Variants in TIMELESS observed in about 807,000 individuals in gnomAD.
The protein encoded by TIMELESS is timeless circadian regulator.
TIMELESS carries 124 observed loss-of-function variants against 164.3 expected under a neutral mutation model. The observed-to-expected ratio is 0.75, with a 90% confidence interval of 0.65 to 0.88. The LOEUF is 0.88. Among genes scored for constraint, TIMELESS ranks in the 40% least tolerant of loss-of-function variants. TIMELESS has a pLI of 0.00. For synonymous variants in TIMELESS, 564 were observed against 563.4 expected, an observed-to-expected ratio of 1.00 and a Z score of -0.02; for missense variants, 1,422 against 1,491.4, an observed-to-expected ratio of 0.95 and a Z score of 0.77.
chr12:56,417,631 C>T lies in TIMELESS; in HGVS notation c.*85G>A. ...CTGCTCTGTCCAGTAAGAGGAGCTTCTGGGTCCTGTATGACCCTTCCAACT... is the reference window on the plus strand; with the variant it reads ...CTGCTCTGTCCAGTAAGAGGAGCTTTTGGGTCCTGTATGACCCTTCCAACT... On this transcript the variant is annotated 3_prime_UTR_variant, in exon 29 of 29. Coordinates refer to ENST00000553532, the MANE Select transcript of TIMELESS (RefSeq NM_003920.5). 1 of 1,339,684 alleles carries T rather than the reference C, an allele frequency of 7.5e-7. No individual in the cohort carries two copies. Among genetic ancestry groups the T allele is most frequent in the Non-Finnish European group, 1.1e-6 (1 of 933,126 alleles). The allele number at this position is 1,339,684 out of a possible 1,614,324, so 83.0% of individuals were successfully genotyped here. A position where few individuals can be genotyped will look rare whatever the true frequency, so the allele number is the denominator to read the frequency against.
At chr12:56,442,740 C>T (rs1057258087) in intron 1 of TIMELESS, among the ~76,000 whole-genome samples, 13 of 152,106 alleles carry the variant, frequency 8.5e-5, no homozygotes, top group African/African-American at 1.9e-4. Flanking sequence ...GATGATGTTG[C>T]GGGAAGTCAG....
At position 56,428,172 on chromosome 12, in the gene TIMELESS, G is replaced by C. The variant is rs914570962; in HGVS notation, c.1578+64C>G. 7.5e-6 allele frequency: 11 copies of C among 1,469,198 alleles called. No homozygotes were observed. In the Admixed American group the frequency reaches 1.8e-4, roughly 24 times the overall value. 91.0% of individuals were successfully genotyped at this position (1,469,198 alleles called of 1,614,324 possible). ...ACTTAAGCTGTACAAACTGTGAGAA[G>C]AAAGAGCCCCCCTTCCTTGACTCTC... On this transcript the variant is annotated intron_variant, in intron 13 of 28. Transcript: ENST00000553532.
chr12:56,428,802 T>C (rs1881763795), intron 11 of TIMELESS, 81 bp downstream of exon 11: 3 of 1,530,374 alleles, frequency 2.0e-6, no homozygotes, highest in Admixed American at 3.5e-5. Flanking sequence ...ACCTGAACCC[T>C]GAATCAGGAA....
intron 1 of TIMELESS, among the ~76,000 whole-genome samples, chr12:56,440,680 T>C (rs547071902): frequency 3.4e-4 from 52 of 152,292 alleles, no homozygotes; most frequent in African/African-American, 1.0e-3. Flanking sequence ...GAAGTGTAAA[T>C]GAGATCATGT....
intron 7 of TIMELESS, 74 bp downstream of exon 7, chr12:56,432,295 A>G: frequency 6.6e-7 from 1 of 1,519,448 alleles, no homozygotes; most frequent in Non-Finnish European, 8.9e-7. Flanking sequence ...AGCCATTATC[A>G]CAAGAGCAAT....
chr12:56,423,911 A>G lies in TIMELESS; in HGVS notation c.1869-17T>C, dbSNP rs750630076. 8.3e-5 allele frequency: 133 copies of G among 1,609,988 alleles called. No homozygotes were observed. Among genetic ancestry groups the G allele is most frequent in the Non-Finnish European group, 1.1e-4 (131 of 1,176,366 alleles). On this transcript the variant is annotated splice_polypyrimidine_tract_variant and intron_variant, in intron 15 of 28. Transcript: ENST00000553532. ...CACACCTCCCTGGAGCACAGATAGA[A>G]AAAAGGCTTTACCCAGGGGAAATCT... is the stretch of plus-strand genomic sequence containing the variant.
chr12:56,448,204 G>C (rs1257354129), intron 1 of TIMELESS, among the ~76,000 whole-genome samples: 1 of 151,944 alleles, frequency 6.6e-6, no homozygotes, highest in African/African-American at 2.4e-5. Flanking sequence ...TCAGGAGTTC[G>C]AGACCGGCCT....
At chr12:56,428,745 C>A in intron 11 of TIMELESS, 93 bp from the exon 12 acceptor site, 1 of 1,449,750 alleles carries the variant, frequency 6.9e-7, no homozygotes. Flanking sequence ...AAAAAATGTG[C>A]CACCCAAACT....
rs1881500293 is a variant in TIMELESS, at chr12:56,421,797, A to G, written c.2655T>C (p.His885=). The G allele has an allele frequency of 6.2e-7, 1 of 1,614,108 alleles. No individual in the cohort carries two copies. Among genetic ancestry groups the G allele is most frequent in the Non-Finnish European group, 8.5e-7 (1 of 1,180,004 alleles). Residue 885 remains histidine (H), a synonymous_variant, in exon 22 of 29, where the codon CAT becomes CAC. Transcript: ENST00000553532. ...SVKDFQRKGT[H]IVLWTGDQEL... ...CCTGATCCCCCGTCCACAGTACAAT[A>G]TGGGTTCCTTTCCTGATTAGGAAGG...
At chr12:56,438,904 C>T (rs1882159842) in intron 1 of TIMELESS, among the ~76,000 whole-genome samples, 1 of 151,568 alleles carries the variant, frequency 6.6e-6, no homozygotes, top group Non-Finnish European at 1.5e-5. Flanking sequence ...TGGCTCACAC[C>T]TGTAATCCCA....
rs1555176448 is a variant in TIMELESS at position 56,420,029 on chromosome 12, AAT to A, written c.3228+538_3228+539del. Among the ~76,000 whole-genome samples the A allele has an allele frequency of 4.9e-3, 366 of 75,074 alleles. 4 individuals carry two copies. The highest frequency in any genetic ancestry group is 0.015 in the East Asian group (30 of 1,998). 49.3% of individuals were successfully genotyped at this position (75,074 alleles called of 152,430 possible). ...CTCAAAAAAAAAAAAAAAAAAAAAA[AAT>A]ATATATATATATATATATGTGTGTG... On this transcript the variant is annotated intron_variant, in intron 26 of 28. Coordinates refer to ENST00000553532, the MANE Select transcript of TIMELESS (RefSeq NM_003920.5).
chr12:56,427,367 C>T (rs1881711783), intron 13 of TIMELESS, among the ~76,000 whole-genome samples: 1 of 152,138 alleles, frequency 6.6e-6, no homozygotes, highest in Admixed American at 6.5e-5. Context: ...AAATGATCCA[C>T]CCACTGTGGC....
chr12:56,442,142 A>T (rs1228225936), intron 1 of TIMELESS, among the ~76,000 whole-genome samples: 1 of 126,816 alleles, frequency 7.9e-6, no homozygotes, highest in Non-Finnish European at 1.9e-5. Context: ...AATATAGAAC[A>T]AACAATGTAA....
At position 56,429,497 on chromosome 12, in the gene TIMELESS, C is replaced by CTTT. The variant is rs35987061; in HGVS notation, c.1087-400_1087-398dup. On this transcript the variant is annotated intron_variant, in intron 10 of 28. Coordinates refer to ENST00000553532, the MANE Select transcript of TIMELESS (RefSeq NM_003920.5). ...ACAGGCGTGAGCCACTGCGCCTGGT[C>CTTT]TTTTTTTTTTTTTTTTTTTTTTTTG... 2.1e-3 allele frequency among the ~76,000 whole-genome samples: 104 copies of CTTT among 50,080 alleles called. 1 individual carries two copies. The highest frequency in any genetic ancestry group is 7.7e-3 in the African/African-American group (99 of 12,902). 32.9% of individuals were successfully genotyped at this position (50,080 alleles called of 152,430 possible). A position where few individuals can be genotyped will look rare whatever the true frequency, so the allele number is the denominator to read the frequency against.
chr12:56,448,082 A>G (rs1868400415), intron 1 of TIMELESS, among the ~76,000 whole-genome samples: 1 of 152,166 alleles, frequency 6.6e-6, no homozygotes, highest in South Asian at 2.1e-4. Context: ...TTTAAATTTA[A>G]CATCAGATGA....
Position 56,440,665 on chromosome 12 carries a change from T to C in TIMELESS, c.-61-6434A>G, listed in dbSNP as rs186073614. 1.9e-4 allele frequency among the ~76,000 whole-genome samples: 29 copies of C among 152,236 alleles called. 2 individuals carry two copies. The East Asian group carries it at 4.6e-3, about 24-fold the overall frequency. On this transcript the variant is annotated intron_variant, in intron 1 of 28. Coordinates refer to ENST00000553532, the MANE Select transcript of TIMELESS (RefSeq NM_003920.5). ...TAATAATACCCACCCTCACAAGATA[T>C]TAGGGAAGTGTAAATGAGATCATGT...
intron 23 of TIMELESS, 101 bp from the exon 24 acceptor site, chr12:56,421,235 T>C: frequency 6.3e-7 from 1 of 1,585,232 alleles, no homozygotes; most frequent in Non-Finnish European, 8.6e-7. Flanking sequence ...GCGCCTGCTC[T>C]CTCGGAAGGA....
chr12:56,420,676 C>T lies in TIMELESS; in HGVS notation c.3121G>A (p.Ala1041Thr), dbSNP rs1456875293. Residue 1041 changes from alanine to threonine, a missense_variant, in exon 26 of 29, where the codon GCC becomes ACC. Ala to Thr is a moderately conservative substitution (Grantham distance 58). Transcript: ENST00000553532. The stretch of plus-strand genomic sequence containing the variant: ...TCTGTGAGTGGCACCAATGGAACGG[C>T]CTGGGAGCAGCCTAAGACAGGGTCA... ...DDREEDGCSQ[A>T]VPLVPLTEEN... 1 of 1,614,050 alleles carries T rather than the reference C, an allele frequency of 6.2e-7. No individual in the cohort carries two copies. Among genetic ancestry groups the T allele is most frequent in the East Asian group, 2.2e-5 (1 of 44,890 alleles).
intron 13 of TIMELESS, among the ~76,000 whole-genome samples, chr12:56,426,639 A>C (rs1228994788): frequency 6.6e-6 from 1 of 152,110 alleles, no homozygotes; most frequent in East Asian, 1.9e-4. Flanking sequence ...GGCTCACTGC[A>C]ACCTCCGCCT....
Sources: allele counts gnomAD v4.1 joint callset (sites outside exome capture counted in the v4.1 genomes callset), GRCh38; gene constraint gnomAD v4.1.1; transcripts MANE v1.5; gene names NCBI Gene and HGNC (gene_info 2026-07-23, HGNC 2026-07-21).